CPEB3: variants seen among roughly 807,000 people sequenced by gnomAD.
The protein encoded by CPEB3 is cytoplasmic polyadenylation element-binding protein 3.
Under a neutral mutation model 67.2 loss-of-function variants are expected in CPEB3, and 20 were observed. The ratio of observed to expected loss-of-function variants is 0.30; its 90% CI spans 0.21 to 0.43. CPEB3 has a LOEUF of 0.43. CPEB3 is among the 20% of genes least tolerant of loss of function. The pLI is 1.00. For missense variants in CPEB3, 746 were observed against 968.6 expected (o/e 0.77, Z 3.05); for synonymous variants, 376 against 393.1 (o/e 0.96, Z 0.51).
intron 4 of CPEB3, among the ~76,000 whole-genome samples, chr10:92,157,618 A>G (rs1321015009): frequency 6.6e-6 from 1 of 152,158 alleles, no homozygotes; most frequent in Non-Finnish European, 1.5e-5. Flanking sequence ...TCCGGGGTAA[A>G]TCTGACTCTG....
At chr10:92,116,123 G>T (rs1250252468) in intron 6 of CPEB3, among the ~76,000 whole-genome samples, 1 of 150,828 alleles carries the variant, frequency 6.6e-6, no homozygotes, top group Non-Finnish European at 1.5e-5. Context: ...GTATGTCCAA[G>T]GCATAAGGAA....
At chr10:92,233,757 G>C (rs1851386685) in intron 2 of CPEB3, among the ~76,000 whole-genome samples, 1 of 152,012 alleles carries the variant, frequency 6.6e-6, no homozygotes, top group Non-Finnish European at 1.5e-5. Flanking sequence ...TAATTACCTA[G>C]ACATGTCATA....
intron 7 of CPEB3, 138 bp from the exon 8 acceptor site, chr10:92,092,082 C>G: frequency 1.5e-6 from 1 of 655,904 alleles, no homozygotes; most frequent in African/African-American, 1.8e-5. Flanking sequence ...AATTAGTTAA[C>G]GTAATCTGCA....
chr10:92,251,364 ATTCTCTC>A (rs1319310860), intron 1 of CPEB3, among the ~76,000 whole-genome samples: 3 of 151,814 alleles, frequency 2.0e-5, no homozygotes, highest in South Asian at 2.1e-4. Context: ...GTGGGATTGT[ATTCTCTC>A]TTCTCTCTTC....
intron 1 of CPEB3, among the ~76,000 whole-genome samples, chr10:92,283,722 CTTT>C (rs869248048): frequency 7.3e-5 from 8 of 108,942 alleles, no homozygotes; most frequent in Non-Finnish European, 7.7e-5. Flanking sequence ...CTTTTTCTTT[CTTT>C]TTTTTTTTTT....
At chr10:92,258,103 T>C (rs1852603694) in intron 1 of CPEB3, among the ~76,000 whole-genome samples, 1 of 145,110 alleles carries the variant, frequency 6.9e-6, no homozygotes. Flanking sequence ...TTTTCTTTCC[T>C]TTTTTTTTTT....
In CPEB3 at chr10:92,048,883, CAAT is replaced by C. The variant is rs1852189807; in HGVS notation, c.*3326_*3328del. On this transcript the variant is annotated 3_prime_UTR_variant, in exon 10 of 10. Coordinates refer to ENST00000265997, the MANE Select transcript of CPEB3 (RefSeq NM_014912.5). This position sits in a 1 kb window ranked among gnomAD's most constrained non-coding sequence, Gnocchi z 4.1. ...TTAGCATCATAAAATTAATTTATTC[CAAT>C]AAAAATACAAAATAATATTATGACA... 6.6e-6 allele frequency: 1 copy of C among 152,278 alleles called. No homozygotes were observed. The allele number at this position is 152,278 out of a possible 1,614,324, so 9.4% of individuals were successfully genotyped here.
chr10:92,193,793 CTTTT>C (rs200892287), intron 2 of CPEB3, among the ~76,000 whole-genome samples: 1 of 143,738 alleles, frequency 7.0e-6, no homozygotes, highest in Non-Finnish European at 1.5e-5. Flanking sequence ...TTTAACATTT[CTTTT>C]TTTTTTTTCT....
intron 7 of CPEB3, among the ~76,000 whole-genome samples, chr10:92,092,211 A>G (rs1843649424): frequency 6.6e-6 from 1 of 152,106 alleles, no homozygotes; most frequent in African/African-American, 2.4e-5. Context: ...TGGTTTTTTT[A>G]TTTTAAGGCA....
At position 92,052,034 on chromosome 10, in the gene CPEB3, C is replaced by T; in HGVS notation, c.*178G>A. Reference sequence around the variant, plus strand: ...CTCTGCAATTCTGCATTATACTGGACACTGAGTTCAGTAATATGACTGTAA... The same window carrying T: ...CTCTGCAATTCTGCATTATACTGGATACTGAGTTCAGTAATATGACTGTAA... On this transcript the variant is annotated 3_prime_UTR_variant, in exon 10 of 10. Coordinates refer to ENST00000265997, the MANE Select transcript of CPEB3 (RefSeq NM_014912.5). 1 of 575,024 alleles carries T rather than the reference C, an allele frequency of 1.7e-6. No homozygotes were observed. The highest frequency in any genetic ancestry group is 2.2e-5 in the South Asian group (1 of 45,424). The allele number at this position is 575,024 out of a possible 1,614,324, so 35.6% of individuals were successfully genotyped here. A position where few individuals can be genotyped will look rare whatever the true frequency, so the allele number is the denominator to read the frequency against.
intron 1 of CPEB3, among the ~76,000 whole-genome samples, chr10:92,279,519 A>T (rs1280319080): frequency 6.6e-6 from 1 of 152,108 alleles, no homozygotes; most frequent in African/African-American, 2.4e-5. Context: ...ATAGCACTTC[A>T]TACTTCACGT....
chr10:92,115,846 A>G (rs1225416544), intron 6 of CPEB3, among the ~76,000 whole-genome samples: 1 of 152,232 alleles, frequency 6.6e-6, no homozygotes, highest in Non-Finnish European at 1.5e-5. Flanking sequence ...AAAATTTAGT[A>G]TGCGATCATC....
At chr10:92,141,338 G>A (rs1159081614) in intron 6 of CPEB3, among the ~76,000 whole-genome samples, 1 of 151,936 alleles carries the variant, frequency 6.6e-6, no homozygotes, top group Non-Finnish European at 1.5e-5. Flanking sequence ...GTAGGGACAT[G>A]GATGAAATTG....
intron 2 of CPEB3, among the ~76,000 whole-genome samples, chr10:92,226,086 G>A (rs903269159): frequency 5.3e-5 from 8 of 152,156 alleles, no homozygotes; most frequent in African/African-American, 1.9e-4. Context: ...AACGGAGCGA[G>A]GCTCCATCTC....
intron 1 of CPEB3, among the ~76,000 whole-genome samples, chr10:92,271,454 CTT>C (rs1853304193): frequency 1.3e-5 from 2 of 152,212 alleles, no homozygotes; most frequent in Non-Finnish European, 2.9e-5. Context: ...TCTGTAGTCT[CTT>C]TTAATCTGGG....
chr10:92,179,376 C>T (rs949192566), intron 4 of CPEB3, among the ~76,000 whole-genome samples: 1 of 152,196 alleles, frequency 6.6e-6, no homozygotes, highest in African/African-American at 2.4e-5. Context: ...TCCTCTCCCT[C>T]TTGCAGAAGA....
chr10:92,204,106 G>A (rs1384012890), intron 2 of CPEB3: 2 of 151,830 alleles, frequency 1.3e-5, no homozygotes, highest in Non-Finnish European at 2.9e-5. Context: ...TTATGACCAG[G>A]GCACATTTTA....
intron 6 of CPEB3, among the ~76,000 whole-genome samples, chr10:92,118,123 A>AGTTTT (rs546053410): frequency 1.8e-4 from 28 of 152,190 alleles, no homozygotes; most frequent in South Asian, 8.3e-4. Context: ...ACCATTTGAC[A>AGTTTT]GTTTTGTTTT....
At chr10:92,289,317 C>T (rs1002297722) in intron 1 of CPEB3, among the ~76,000 whole-genome samples, 5 of 151,932 alleles carry the variant, frequency 3.3e-5, no homozygotes, top group South Asian at 2.1e-4. Flanking sequence ...ACGGGCTGAT[C>T]GCCTGAGGTC....
Sources: allele counts gnomAD v4.1 joint callset (sites outside exome capture counted in the v4.1 genomes callset), GRCh38; gene constraint gnomAD v4.1.1; non-coding constraint Gnocchi (gnomAD v3.1); transcripts MANE v1.5; gene names NCBI Gene and HGNC (gene_info 2026-07-23, HGNC 2026-07-21).